MAGI3: variants seen among roughly 807,000 people sequenced by gnomAD.
MAGI3 encodes the protein membrane associated guanylate kinase, WW and PDZ domain containing 3, also known as membrane-associated guanylate kinase, WW and PDZ domain-containing protein 3.
In MAGI3, 43 loss-of-function variants were observed where a neutral mutation model predicts 121.8. That is an observed-to-expected ratio of 0.35 (90% confidence interval 0.28 to 0.46). The LOEUF (loss-of-function observed/expected upper bound fraction) is 0.46. Ranked by LOEUF, MAGI3 falls within the 20% of genes least tolerant of loss-of-function variation. MAGI3 has a pLI of 1.00. For missense variants in MAGI3, 1,547 were observed against 1,797.3 expected (o/e 0.86, Z 2.52); for synonymous variants, 553 against 639.3 (o/e 0.86, Z 2.04).
chr1:113,537,603 A>G (rs1228742629), intron 1 of MAGI3, among the ~76,000 whole-genome samples: 2 of 152,190 alleles, frequency 1.3e-5, no homozygotes, highest in Non-Finnish European at 2.9e-5. Flanking sequence ...AGAGTTTGCA[A>G]AACGTGCTGT....
In MAGI3 at chr1:113,576,736, TC is replaced by T. The variant is rs151330903; in HGVS notation, c.434-3805del. 2.6e-3 allele frequency: 396 copies of T among 152,318 alleles called. 3 individuals are homozygous for T. Among genetic ancestry groups the T allele is most frequent in the African/African-American group, 8.8e-3 (365 of 41,562 alleles). The allele number at this position is 152,318 out of a possible 1,614,324, so 9.4% of individuals were successfully genotyped here. The stretch of plus-strand genomic sequence containing the variant: ...TAAATGTATTAAAAAGAATGTTTAA[TC>T]TCATAAAGCAATTGCTTTATGAGGT... On this transcript the variant is annotated intron_variant, in intron 2 of 20. Transcript: ENST00000307546.
At position 113,663,834 on chromosome 1, in the gene MAGI3, A is replaced by T. The variant is rs532134262; in HGVS notation, c.2815+4569A>T. The stretch of plus-strand genomic sequence containing the variant: ...CCCACCAGCAATGTATGAGGCTTCC[A>T]TTTCCCCATATCCTTGCCAACACTT... On this transcript the variant is annotated intron_variant, in intron 16 of 20. Transcript: ENST00000307546. 2.4e-4 allele frequency among the ~76,000 whole-genome samples: 36 copies of T among 152,136 alleles called. No homozygotes were observed. The South Asian group carries it at 7.5e-3, about 32-fold the overall frequency.
In MAGI3 at chr1:113,633,237, C is replaced by CT. The variant is rs1359169220; in HGVS notation, c.1361-8674_1361-8673insT. Among the ~76,000 whole-genome samples the CT allele has an allele frequency of 9.8e-5, 9 of 91,956 alleles. 1 individual carries two copies. The highest frequency in any genetic ancestry group is 3.3e-4 in the African/African-American group (8 of 24,208). The allele number at this position is 91,956 out of a possible 152,430, so 60.3% of individuals were successfully genotyped here. Reference sequence around the variant, plus strand: ...GTCCCTACAAAGGACATGAACTCATCATTTTTTTTTTTTTTTTTTTTTTTT... The same window carrying CT: ...GTCCCTACAAAGGACATGAACTCATCTATTTTTTTTTTTTTTTTTTTTTTTT... On this transcript the variant is annotated intron_variant, in intron 9 of 20. Coordinates refer to ENST00000307546, the MANE Select transcript of MAGI3 (RefSeq NM_001142782.2).
intron 1 of MAGI3, among the ~76,000 whole-genome samples, chr1:113,452,810 G>C (rs1654550401): frequency 6.6e-6 from 1 of 152,116 alleles, no homozygotes; most frequent in Admixed American, 6.5e-5. Context: ...AGGAAAACAT[G>C]ACAAAGGAAA....
chr1:113,615,354 C>T (rs544328754), intron 7 of MAGI3, among the ~76,000 whole-genome samples: 2 of 152,134 alleles, frequency 1.3e-5, no homozygotes, highest in African/African-American at 2.4e-5. Context: ...TGACCTCAAG[C>T]GTCTAGCAGC....
chr1:113,531,913 C>G (rs1024686157), intron 1 of MAGI3, among the ~76,000 whole-genome samples: 1 of 152,146 alleles, frequency 6.6e-6, no homozygotes, highest in African/African-American at 2.4e-5. Flanking sequence ...AAATTGGACT[C>G]ACAGTTTCAT....
intron 1 of MAGI3, among the ~76,000 whole-genome samples, chr1:113,480,330 G>A (rs1387344809): frequency 2.6e-5 from 4 of 152,188 alleles, no homozygotes; most frequent in Non-Finnish European, 5.9e-5. Context: ...CTTGCCTAGT[G>A]CCTGGGTCTG....
chr1:113,521,463 A>G (rs1446330849), intron 1 of MAGI3, among the ~76,000 whole-genome samples: 1 of 146,360 alleles, frequency 6.8e-6, no homozygotes, highest in Non-Finnish European at 1.5e-5. Flanking sequence ...GCTGGAGTGT[A>G]GTGGCGTGAT....
chr1:113,464,852 T>G (rs1006484454), intron 1 of MAGI3, among the ~76,000 whole-genome samples: 3 of 151,842 alleles, frequency 2.0e-5, no homozygotes, highest in Admixed American at 6.6e-5. Flanking sequence ...ATTCTTTGGC[T>G]TTTTGCTGTT....
intron 1 of MAGI3, among the ~76,000 whole-genome samples, chr1:113,435,365 G>T (rs1376571041): frequency 6.6e-6 from 1 of 151,942 alleles, no homozygotes; most frequent in Non-Finnish European, 1.5e-5. Flanking sequence ...TTTTTTCATT[G>T]TGGATCACAA....
chr1:113,534,464 C>T (rs1277013597), intron 1 of MAGI3, among the ~76,000 whole-genome samples: 1 of 152,118 alleles, frequency 6.6e-6, no homozygotes, highest in African/African-American at 2.4e-5. Context: ...TTTCTCCTGC[C>T]TGGAATGCCC....
chr1:113,394,779 T>G (rs988190675), intron 1 of MAGI3, among the ~76,000 whole-genome samples: 1 of 152,194 alleles, frequency 6.6e-6, no homozygotes, highest in African/African-American at 2.4e-5. Flanking sequence ...ATGCACACAT[T>G]ACATTCAACT....
chr1:113,542,364 A>G (rs1266166285), intron 1 of MAGI3, among the ~76,000 whole-genome samples: 1 of 152,050 alleles, frequency 6.6e-6, no homozygotes, highest in East Asian at 1.9e-4. Flanking sequence ...TCATTGCAGC[A>G]CTCAGAATGG....
chr1:113,503,238 A>G (rs1464235139), intron 1 of MAGI3, among the ~76,000 whole-genome samples: 1 of 78,672 alleles, frequency 1.3e-5, no homozygotes, highest in Non-Finnish European at 2.5e-5. Context: ...AAAAAAAAAA[A>G]AAAAAAAAAA....
chr1:113,513,317 A>G (rs906782835), intron 1 of MAGI3, among the ~76,000 whole-genome samples: 1 of 152,230 alleles, frequency 6.6e-6, no homozygotes, highest in African/African-American at 2.4e-5. Context: ...CCACGTCGCC[A>G]AGTCAATCCT....
At chr1:113,530,987 T>C (rs964864339) in intron 1 of MAGI3, among the ~76,000 whole-genome samples, 1 of 152,150 alleles carries the variant, frequency 6.6e-6, no homozygotes, top group Non-Finnish European at 1.5e-5. Flanking sequence ...TGGAATATAT[T>C]ATTTAAATGC....
intron 5 of MAGI3, among the ~76,000 whole-genome samples, chr1:113,592,561 G>C (rs918462863): frequency 2.0e-5 from 3 of 152,048 alleles, no homozygotes; most frequent in African/African-American, 4.8e-5. Context: ...GTGGCTCCTA[G>C]GCCCCTGAGT....
chr1:113,435,810 C>G (rs1653537455), intron 1 of MAGI3, among the ~76,000 whole-genome samples: 1 of 152,086 alleles, frequency 6.6e-6, no homozygotes, highest in South Asian at 2.1e-4. Context: ...AGGAACTTAA[C>G]CTTTTCTAGC....
chr1:113,605,603 ATT>A (rs375248804), intron 6 of MAGI3, among the ~76,000 whole-genome samples: 20 of 149,992 alleles, frequency 1.3e-4, no homozygotes, highest in African/African-American at 4.7e-4. Flanking sequence ...CAAGCACTCG[ATT>A]TTTTTTTTCC....
Sources: gnomAD v4.1 joint callset for allele counts (sites outside exome capture counted in the v4.1 genomes callset) on GRCh38, gnomAD v4.1.1 for gene constraint, MANE v1.5 for transcripts, NCBI Gene and HGNC (gene_info 2026-07-23, HGNC 2026-07-21) for gene names.